Variants in LCT observed in about 807,000 individuals in gnomAD.
LCT encodes the protein lactase.
LCT carries 90 observed loss-of-function variants against 173.0 expected under a neutral mutation model. The ratio of observed to expected loss-of-function variants is 0.52; its 90% CI spans 0.44 to 0.62. The LOEUF (loss-of-function observed/expected upper bound fraction) is 0.62, where lower values mean the gene tolerates loss of function less well. Ranked by LOEUF, LCT falls within the 20% of genes least tolerant of loss-of-function variation. LCT has a pLI of 0.00. For missense variants in LCT, 1,864 were observed against 2,431.4 expected (o/e 0.77, Z 4.91); for synonymous variants, 853 against 957.6 (o/e 0.89, Z 2.02).
chr2:135,806,880 C>G (rs1028406623), intron 9 of LCT, among the ~76,000 whole-genome samples: 2 of 152,218 alleles, frequency 1.3e-5, no homozygotes, highest in Admixed American at 1.3e-4. Context: ...TGCCCAGGCT[C>G]CCCCTGCTCC....
Position 135,790,650 on chromosome 2 carries a change from C to G in LCT, c.5335+8G>C. Reference sequence around the variant, plus strand: ...GGTGCACGCTGGGGAAGGGCGGGCCCGTCGTACCTTTGAGGGCCTCATTGA... The same window carrying G: ...GGTGCACGCTGGGGAAGGGCGGGCCGGTCGTACCTTTGAGGGCCTCATTGA... On this transcript the variant is annotated splice_region_variant and intron_variant, in intron 15 of 16. Transcript: ENST00000264162. This position sits in a 1 kb window ranked among gnomAD's most constrained non-coding sequence, Gnocchi z 4.1. 1 of 1,581,882 alleles carries G rather than the reference C, an allele frequency of 6.3e-7. No homozygotes were observed. The highest frequency in any genetic ancestry group is 2.2e-5 in the East Asian group (1 of 44,720).
At chr2:135,792,572 T>A (rs1381908214) in intron 14 of LCT, among the ~76,000 whole-genome samples, 1 of 152,148 alleles carries the variant, frequency 6.6e-6, no homozygotes, top group Admixed American at 6.5e-5. Flanking sequence ...GGAGTGAGAC[T>A]GGCCTTGCTG....
intron 2 of LCT, among the ~76,000 whole-genome samples, chr2:135,832,480 T>A (rs2077948463): frequency 6.6e-6 from 1 of 151,532 alleles, no homozygotes; most frequent in Admixed American, 6.6e-5. Flanking sequence ...AGGATATACG[T>A]ACATTTTTAA....
chr2:135,816,391 A>C (rs2077781396), intron 6 of LCT, among the ~76,000 whole-genome samples: 1 of 152,168 alleles, frequency 6.6e-6, no homozygotes, highest in Non-Finnish European at 1.5e-5. Flanking sequence ...CATGAGACAC[A>C]GGGACACTTC....
chr2:135,816,059 A>C (rs62158999), intron 6 of LCT, among the ~76,000 whole-genome samples: 1 of 152,190 alleles, frequency 6.6e-6, no homozygotes, highest in Non-Finnish European at 1.5e-5. Context: ...GCAGACTAAC[A>C]TGTCCATCCT....
chr2:135,808,722 A>G lies in LCT; in HGVS notation c.3625T>C (p.Tyr1209His). Reference sequence around the variant, plus strand: ...TTGTGCTGCACGATTCTGGAGTAGTACGTGTTGAGGCAGAAGACGTCGGCC... The same window carrying G: ...TTGTGCTGCACGATTCTGGAGTAGTGCGTGTTGAGGCAGAAGACGTCGGCC... ...ATADVFCLNTYYSRIVQHKTP... is the reference protein window; with the variant it reads ...ATADVFCLNTHYSRIVQHKTP... Residue 1209 changes from tyrosine (Y) to histidine (H), a missense_variant, in exon 8 of 17, where the codon TAC (tyrosine) becomes CAC (histidine). Physicochemically the swap from Tyr to His is moderately conservative, Grantham distance 83. Coordinates refer to ENST00000264162, the MANE Select transcript of LCT (RefSeq NM_002299.4). 1 of 1,614,194 alleles carries G rather than the reference A, an allele frequency of 6.2e-7. No individual in the cohort carries two copies.
intron 2 of LCT, among the ~76,000 whole-genome samples, chr2:135,830,030 G>A (rs2077922069): frequency 6.6e-6 from 1 of 152,132 alleles, no homozygotes; most frequent in African/African-American, 2.4e-5. Context: ...TGCTGCCCCT[G>A]GTGCTTCCTC....
rs760068039 is a variant in LCT at position 135,809,727 on chromosome 2, A to G, written c.2620T>C (p.Ser874Pro). The G allele has an allele frequency of 1.9e-6, 3 of 1,614,122 alleles. No homozygotes were observed. Among genetic ancestry groups the G allele is most frequent in the Non-Finnish European group, 2.5e-6 (3 of 1,180,050 alleles). Residue 874 changes from serine (S) to proline (P), a missense_variant, in exon 8 of 17, where the codon TCT becomes CCT. Ser to Pro is a moderately conservative substitution (Grantham distance 74). Transcript: ENST00000264162. This position sits in a 1 kb window ranked among gnomAD's most constrained non-coding sequence, Gnocchi z 5.5. Reference protein sequence around the residue: ...PSKVRAFTFPSEVPSKAKVVW... With the variant: ...PSKVRAFTFPPEVPSKAKVVW... ...ACTTTAGCCTTGGAGGGCACCTCAG[A>G]TGGAAAAGTGAAGGCTCTGACTTTG...
rs146302685 is a variant in LCT at position 135,790,579 on chromosome 2, C to T, written c.5335+79G>A. 385 of 907,764 alleles carry T rather than the reference C, an allele frequency of 4.2e-4. No individual in the cohort carries two copies. In the African/African-American group the frequency reaches 4.4e-3, roughly 10 times the overall value. 56.2% of individuals were successfully genotyped at this position (907,764 alleles called of 1,614,324 possible). ...TTCTCTTCTTACTGTGGCCCAAGGA[C>T]GCTGTATCACACTCCTGCAAATAGC... On this transcript the variant is annotated intron_variant, in intron 15 of 16. Transcript: ENST00000264162. The surrounding 1 kb of genome is among the most constrained non-coding windows in gnomAD (Gnocchi z 4.1).
rs753517522 is a variant in LCT, at chr2:135,790,571, C to T, written c.5335+87G>A. The T allele has an allele frequency of 2.0e-4, 174 of 858,182 alleles. No individual in the cohort carries two copies. The highest frequency in any genetic ancestry group is 3.2e-4 in the Non-Finnish European group (165 of 512,424). The allele number at this position is 858,182 out of a possible 1,614,324, so 53.2% of individuals were successfully genotyped here. A position where few individuals can be genotyped will look rare whatever the true frequency, so the allele number is the denominator to read the frequency against. On this transcript the variant is annotated intron_variant, in intron 15 of 16. Coordinates refer to ENST00000264162, the MANE Select transcript of LCT (RefSeq NM_002299.4). The surrounding 1 kb of genome is among the most constrained non-coding windows in gnomAD (Gnocchi z 4.1). ...GCTTATCGTTCTCTTCTTACTGTGG[C>T]CCAAGGACGCTGTATCACACTCCTG...
chr2:135,795,482 T>G (rs969104242), intron 13 of LCT, among the ~76,000 whole-genome samples: 1 of 152,024 alleles, frequency 6.6e-6, no homozygotes, highest in African/African-American at 2.4e-5. Context: ...GTGTTGGGAT[T>G]ACAGGCATGA....
chr2:135,798,320 G>A (rs2077599383), intron 12 of LCT, among the ~76,000 whole-genome samples, 182 bp from the exon 13 acceptor site: 1 of 152,208 alleles, frequency 6.6e-6, no homozygotes, highest in Non-Finnish European at 1.5e-5. Flanking sequence ...TCTCCCAGCT[G>A]GGTCTGTGCT....
intron 2 of LCT, among the ~76,000 whole-genome samples, chr2:135,832,571 A>T (rs762168695): frequency 2.7e-5 from 4 of 150,772 alleles, no homozygotes; most frequent in Admixed American, 2.6e-4. Flanking sequence ...TGCAGCCTTG[A>T]CCTCCAGGGC....
intron 2 of LCT, among the ~76,000 whole-genome samples, chr2:135,830,305 T>A (rs1168500664): frequency 1.3e-5 from 2 of 152,232 alleles, no homozygotes; most frequent in East Asian, 3.9e-4. Flanking sequence ...GGATGTCCCC[T>A]CTGCCCTGTC....
In LCT at chr2:135,793,530, G is replaced by C. The variant is rs575802074; in HGVS notation, c.5111+1111C>G. Among the ~76,000 whole-genome samples, 5 of 152,304 alleles carry C rather than the reference G, an allele frequency of 3.3e-5. No homozygotes were observed. The East Asian group carries it at 9.7e-4, about 29-fold the overall frequency. On this transcript the variant is annotated intron_variant, in intron 14 of 16. Transcript: ENST00000264162. ...AGTCTACCTGAATGAGAAGGAACCA[G>C]AAATGTTAATTCTGGTAATATGACA... is the stretch of plus-strand genomic sequence containing the variant.
chr2:135,835,979 T>TATAA (rs1465840637), intron 1 of LCT, among the ~76,000 whole-genome samples: 317 of 17,586 alleles, frequency 0.018, 21 homozygotes, highest in African/African-American at 0.038. Context: ...CATGTGTGTA[T>TATAA]ATATATATAT....
At position 135,798,096 on chromosome 2, in the gene LCT, C is replaced by G; in HGVS notation, c.4909G>C (p.Asp1637His). 6.2e-7 allele frequency: 1 copy of G among 1,612,796 alleles called. No homozygotes were observed. ...WFAHPIFKNG[D>H]YNEVMKTRIR... ...CGCGTCTTCATCACCTCATTGTAAT[C>G]TCCATTCTTGAAAATAGGATGTGCA... Residue 1637 changes from aspartate to histidine, a missense_variant, in exon 13 of 17, where the codon GAT (aspartate) becomes CAT (histidine). Around this residue, in one of 4 missense-constraint regions of LCT, gnomAD observed 514 missense variants for 750.1 expected, o/e 0.69. Coordinates refer to ENST00000264162, the MANE Select transcript of LCT (RefSeq NM_002299.4).
At chr2:135,793,709 A>G (rs996655066) in intron 14 of LCT, among the ~76,000 whole-genome samples, 1 of 152,202 alleles carries the variant, frequency 6.6e-6, no homozygotes, top group Non-Finnish European at 1.5e-5. Context: ...AAATTAACTT[A>G]GAGAAATTTA....
At chr2:135,831,942 C>T (rs534994214) in intron 2 of LCT, among the ~76,000 whole-genome samples, 39 of 152,256 alleles carry the variant, frequency 2.6e-4, no homozygotes, top group South Asian at 6.2e-4. Flanking sequence ...TAAAGGCTGG[C>T]GTGGTGGCTC....
Sources: allele counts gnomAD v4.1 joint callset (sites outside exome capture counted in the v4.1 genomes callset), GRCh38; gene constraint gnomAD v4.1.1; regional missense constraint gnomAD v4.1.1; non-coding constraint Gnocchi (gnomAD v3.1); transcripts MANE v1.5; gene names NCBI Gene and HGNC (gene_info 2026-07-23, HGNC 2026-07-21).